SBF1: variants seen among roughly 807,000 people sequenced by gnomAD.
SBF1 encodes myotubularin-related protein 5.
In SBF1, 65 loss-of-function variants were observed where a neutral mutation model predicts 215.8. The ratio of observed to expected loss-of-function variants is 0.30; its 90% CI spans 0.25 to 0.37. The LOEUF (loss-of-function observed/expected upper bound fraction) is 0.37, where lower values mean the gene tolerates loss of function less well. SBF1 is among the 10% of genes least tolerant of loss of function. The pLI is 1.00. For synonymous variants in SBF1, 1,410 were observed against 1,122.8 expected (o/e 1.26, Z -5.11); for missense variants, 2,634 against 2,667.8 (o/e 0.99, Z 0.28).
At position 50,446,577 on chromosome 22, in the gene SBF1, C is replaced by T. The variant is rs913627728; in HGVS notation, c.*565G>A. 18 of 335,922 alleles carry T rather than the reference C, an allele frequency of 5.4e-5. No homozygotes were observed. Among genetic ancestry groups the T allele is most frequent in the East Asian group, 7.9e-5 (1 of 12,626 alleles). The allele number at this position is 335,922 out of a possible 1,614,324, so 20.8% of individuals were successfully genotyped here. A position where few individuals can be genotyped will look rare whatever the true frequency, so the allele number is the denominator to read the frequency against. ...GCCGGCCCCTAGACCAGCCCTGAGG[C>T]GTGGAGGGAATCAAGCAAGTCCCCA... On this transcript the variant is annotated 3_prime_UTR_variant, in exon 41 of 41. Transcript: ENST00000380817.
chr22:50,463,502 GCAGC>G, intron 15 of SBF1, 70 bp from the exon 16 acceptor site: 1 of 1,461,258 alleles, frequency 6.8e-7, no homozygotes, highest in South Asian at 1.4e-5. Context: ...GGCAGGGAGG[GCAGC>G]AGGTGTCCAG....
At chr22:50,449,679 T>G (rs2066973263) in intron 36 of SBF1, among the ~76,000 whole-genome samples, 1 of 145,982 alleles carries the variant, frequency 6.9e-6, no homozygotes, top group Non-Finnish European at 1.5e-5. Context: ...ACAGAAAAAC[T>G]GCTGAAAAAC....
Position 50,465,073 on chromosome 22 carries a change from C to T in SBF1, c.1260G>A (p.Leu420=), listed in dbSNP as rs764722033. The change falls in exon 12 of 41, where the codon CTG becomes CTA. Residue 420 remains leucine, a synonymous_variant. Transcript: ENST00000380817. ...LVEDDFLMKV[L]EGMAFAGFVS... Reference sequence around the variant, plus strand: ...CAAAGCCAGCAAAGGCCATGCCCTCCAGCACCTTCATCAGGAAATCGTCCT... The same window carrying T: ...CAAAGCCAGCAAAGGCCATGCCCTCTAGCACCTTCATCAGGAAATCGTCCT... 5 of 1,614,134 alleles carry T rather than the reference C, an allele frequency of 3.1e-6. No homozygotes were observed. The highest frequency in any genetic ancestry group is 1.1e-5 in the South Asian group (1 of 91,086).
At chr22:50,474,433 A>G (rs2148621264) in intron 1 of SBF1, among the ~76,000 whole-genome samples, 2 of 152,290 alleles carry the variant, frequency 1.3e-5, no homozygotes, top group South Asian at 4.1e-4. Flanking sequence ...TCCCACCCCA[A>G]GGAGGCCGGG....
intron 16 of SBF1, 47 bp downstream of exon 16, chr22:50,463,236 C>T (rs752685046): frequency 4.4e-6 from 7 of 1,606,084 alleles, no homozygotes; most frequent in African/African-American, 1.3e-5. Context: ...CGCCTGTTCC[C>T]GCTCATGCGC....
chr22:50,460,196 A>T, intron 25 of SBF1, 37 bp from the exon 26 acceptor site: 1 of 1,605,376 alleles, frequency 6.2e-7, no homozygotes, highest in Non-Finnish European at 8.5e-7. Context: ...TCACGGGGCC[A>T]CTCCGCCTGC....
At position 50,468,398 on chromosome 22, in the gene SBF1, G is replaced by A. The variant is rs2148607318; in HGVS notation, c.119C>T (p.Pro40Leu). 1.2e-6 allele frequency: 2 copies of A among 1,613,176 alleles called. No individual in the cohort carries two copies. The highest frequency in any genetic ancestry group is 1.7e-6 in the Non-Finnish European group (2 of 1,179,534). Residue 40 changes from proline to leucine, a missense_variant, in exon 2 of 41, where the codon CCA (proline) becomes CTA (leucine). Transcript: ENST00000380817. Reference sequence around the variant, plus strand: ...CACCAGCTCGATGCCCTGGGGGAATGGGTTGTCCTCCCAGTCCTTCTCTGG... The same window carrying A: ...CACCAGCTCGATGCCCTGGGGGAATAGGTTGTCCTCCCAGTCCTTCTCTGG... ...RFPEKDWEDN[P>L]FPQGIELFCQ...
chr22:50,465,684 G>A (rs781390123), intron 10 of SBF1, 79 bp downstream of exon 10: 306 of 1,338,700 alleles, frequency 2.3e-4, no homozygotes, highest in Non-Finnish European at 2.9e-4. Flanking sequence ...GTGGGGCCCT[G>A]TGTGTCAGTG....
At chr22:50,466,529 G>C in intron 6 of SBF1, 47 bp from the exon 7 acceptor site, 2 of 1,530,414 alleles carry the variant, frequency 1.3e-6, no homozygotes, top group East Asian at 2.5e-5. Context: ...CCCCCACCCA[G>C]GCAGAGTGAG....
Position 50,459,560 on chromosome 22 carries a change from C to T in SBF1, c.3598G>A (p.Gly1200Arg), listed in dbSNP as rs751370480. ...NRFPVVCWRS[G>R]RSKAVLLRSG... ...CGCAGCAGCACCGCCTTGGACCGCCCGCTGCGCCAGCAGACCACGGGGAAG... is the reference window on the plus strand; with the variant it reads ...CGCAGCAGCACCGCCTTGGACCGCCTGCTGCGCCAGCAGACCACGGGGAAG... Residue 1200 changes from glycine (G) to arginine (R), a missense_variant, in exon 27 of 41, where the codon GGG (glycine) becomes AGG (arginine). Coordinates refer to ENST00000380817, the MANE Select transcript of SBF1 (RefSeq NM_002972.4). 6.2e-6 allele frequency: 10 copies of T among 1,609,168 alleles called. No homozygotes were observed. The highest frequency in any genetic ancestry group is 2.2e-5 in the East Asian group (1 of 44,886).
chr22:50,465,853 A>G lies in SBF1; in HGVS notation c.1012-13T>C, dbSNP rs1285758348. ...CCGGGTCCAGGACCTGCCAGCACAG[A>G]ATGGAGCAGGCAGCTGCACGCTGGC... On this transcript the variant is annotated splice_polypyrimidine_tract_variant and intron_variant, in intron 9 of 40. Coordinates refer to ENST00000380817, the MANE Select transcript of SBF1 (RefSeq NM_002972.4). 6.2e-7 allele frequency: 1 copy of G among 1,613,086 alleles called. No homozygotes were observed. The highest frequency in any genetic ancestry group is 2.2e-5 in the East Asian group (1 of 44,872).
At chr22:50,449,207 A>T (rs963160721) in intron 36 of SBF1, among the ~76,000 whole-genome samples, 1 of 152,212 alleles carries the variant, frequency 6.6e-6, no homozygotes, top group African/African-American at 2.4e-5. Flanking sequence ...CTGATCTTCA[A>T]CACTGCAGGG....
At position 50,463,439 on chromosome 22, in the gene SBF1, G is replaced by A; in HGVS notation, c.1750-7C>T. ...TCAACACGGCTGGGAGCAGCTGGGG[G>A]TGGGGAAAGGAGACACGGGCTGAGG... On this transcript the variant is annotated splice_polypyrimidine_tract_variant and splice_region_variant and intron_variant, in intron 15 of 40. Transcript: ENST00000380817. 3 of 1,562,204 alleles carry A rather than the reference G, an allele frequency of 1.9e-6. No homozygotes were observed. Among genetic ancestry groups the A allele is most frequent in the Admixed American group, 3.8e-5 (2 of 52,566 alleles).
chr22:50,474,454 C>G (rs575930813), intron 1 of SBF1, among the ~76,000 whole-genome samples: 2 of 152,310 alleles, frequency 1.3e-5, no homozygotes, highest in East Asian at 3.9e-4. Flanking sequence ...CAGGCCGGGC[C>G]CAGCCTTCTC....
chr22:50,470,754 C>G (rs916478214), intron 1 of SBF1, among the ~76,000 whole-genome samples: 2 of 152,224 alleles, frequency 1.3e-5, no homozygotes, highest in African/African-American at 4.8e-5. Context: ...CAACCATCCT[C>G]CCCACACCCA....
rs1262212724 is a variant in SBF1 at position 50,474,841 on chromosome 22, G to A, written c.-1C>T. On this transcript the variant is annotated 5_prime_UTR_variant, in exon 1 of 41. Transcript: ENST00000380817. The stretch of plus-strand genomic sequence containing the variant: ...CGAAGTAGTCCGCGAGCCGCGCCAT[G>A]GCGAGGGACGCGGGGCGGCCCGAGG... 9 of 1,428,480 alleles carry A rather than the reference G, an allele frequency of 6.3e-6. No individual in the cohort carries two copies. The highest frequency in any genetic ancestry group is 4.5e-5 in the African/African-American group (3 of 66,670). 88.5% of individuals were successfully genotyped at this position (1,428,480 alleles called of 1,614,324 possible).
chr22:50,454,728 G>A lies in SBF1; in HGVS notation c.4827C>T (p.Tyr1609=). The A allele has an allele frequency of 6.4e-7, 1 of 1,572,834 alleles. No homozygotes were observed. The highest frequency in any genetic ancestry group is 1.2e-5 in the South Asian group (1 of 84,344). Residue 1609 remains tyrosine (Y), a synonymous_variant, in exon 36 of 41, where the codon TAC becomes TAT. Transcript: ENST00000380817. ...ACACCTTCAGGTTGGACACGTTGCT[G>A]TAGGGCCGCAGGACCTGAGGGTGGG... ...APEDAEVLRP[Y]SNVSNLKVWD... is the part of the protein sequence containing the mutation.
intron 10 of SBF1, 107 bp downstream of exon 10, chr22:50,465,656 G>A (rs1015295103): frequency 9.5e-7 from 1 of 1,053,672 alleles, no homozygotes; most frequent in Admixed American, 2.8e-5. Context: ...TGCTACTGGA[G>A]CCGGGGCCAG....
chr22:50,459,829 C>G, intron 26 of SBF1, 123 bp downstream of exon 26: 2 of 1,378,830 alleles, frequency 1.5e-6, no homozygotes, highest in Non-Finnish European at 2.0e-6. Flanking sequence ...GCCCGTCCCT[C>G]TGCCCGGAGT....
Sources: gnomAD v4.1 joint callset for allele counts (sites outside exome capture counted in the v4.1 genomes callset) on GRCh38, gnomAD v4.1.1 for gene constraint, MANE v1.5 for transcripts, NCBI Gene and HGNC (gene_info 2026-07-23, HGNC 2026-07-21) for gene names.